Variants in SAMD4B observed in about 807,000 individuals in gnomAD.
SAMD4B encodes sterile alpha motif domain containing 4B.
SAMD4B carries 5 observed loss-of-function variants against 74.5 expected under a neutral mutation model. That is an observed-to-expected ratio of 0.07 (90% CI 0.04 to 0.14). The LOEUF (loss-of-function observed/expected upper bound fraction) is 0.14. Among genes scored for constraint, SAMD4B ranks in the 10% least tolerant of loss-of-function variants. The probability of loss-of-function intolerance (pLI) is 1.00; values close to 1 mark genes in which losing one functional copy is unlikely to be tolerated. For synonymous variants in SAMD4B, 373 were observed against 374.9 expected (o/e 1.00, Z 0.06); for missense variants, 608 against 921.8 (o/e 0.66, Z 4.41).
intron 3 of SAMD4B, among the ~76,000 whole-genome samples, chr19:39,365,700 CAG>C (rs1398989251): frequency 2.0e-5 from 3 of 152,184 alleles, no homozygotes; most frequent in Non-Finnish European, 4.4e-5. Context: ...AGGATTAAAA[CAG>C]GGATGAAAAG....
At chr19:39,366,950 G>T (rs1179957880) in intron 3 of SAMD4B, among the ~76,000 whole-genome samples, 1 of 152,176 alleles carries the variant, frequency 6.6e-6, no homozygotes, top group East Asian at 1.9e-4. Context: ...GTGTGTATCT[G>T]AAAGGAGGGA....
intron 3 of SAMD4B, among the ~76,000 whole-genome samples, chr19:39,367,309 G>A (rs1600554852): frequency 6.6e-6 from 1 of 152,248 alleles, no homozygotes; most frequent in East Asian, 1.9e-4. Flanking sequence ...TGAGATATTT[G>A]TAAGTCATCA....
downstream of SAMD4B, chr19:39,386,924 GAATA>G (rs2078264536): frequency 1.5e-6 from 1 of 677,872 alleles, no homozygotes; most frequent in Non-Finnish European, 2.7e-6. The surrounding 1 kb of genome is among the most constrained non-coding windows in gnomAD (Gnocchi z 6.1). Flanking sequence ...GAGTAAATGG[GAATA>G]AATACAGATT....
rs2077731482 is a variant in SAMD4B, at chr19:39,378,389, A to G, written c.1445-115A>G. On this transcript the variant is annotated intron_variant, in intron 8 of 13. Transcript: ENST00000610417. This position sits in a 1 kb window ranked among gnomAD's most constrained non-coding sequence, Gnocchi z 4.4. The stretch of plus-strand genomic sequence containing the variant: ...TACCATGGCTAGCACTTAATAGTTG[A>G]TATTCATCCAGCCTGAGTCTCCTGT... The G allele has an allele frequency of 2.0e-5, 16 of 816,944 alleles. No homozygotes were observed. In the East Asian group the frequency reaches 4.1e-4, roughly 21 times the overall value. The allele number at this position is 816,944 out of a possible 1,614,324, so 50.6% of individuals were successfully genotyped here.
downstream of SAMD4B, chr19:39,385,862 T>C: frequency 1.4e-6 from 2 of 1,381,382 alleles, no homozygotes; most frequent in Non-Finnish European, 1.9e-6. Flanking sequence ...TAAAGAGAAG[T>C]TGACTTTATT....
chr19:39,348,744 G>A (rs2075844594), intron 1 of SAMD4B, among the ~76,000 whole-genome samples: 1 of 152,198 alleles, frequency 6.6e-6, no homozygotes, highest in African/African-American at 2.4e-5. Flanking sequence ...ACAGAATCAG[G>A]AAGGAAAGTT....
chr19:39,369,676 A>T lies in SAMD4B; in HGVS notation c.218A>T (p.Gln73Leu), dbSNP rs758435515. 1.2e-6 allele frequency: 2 copies of T among 1,614,064 alleles called. No individual in the cohort carries two copies. Among genetic ancestry groups the T allele is most frequent in the South Asian group, 2.2e-5 (2 of 91,068 alleles). The change falls in exon 4 of 14, where the codon CAG (glutamine) becomes CTG (leucine). Residue 73 changes from glutamine to leucine, a missense_variant. By Grantham distance (113) the Gln-to-Leu change is moderately radical. This residue lies in a region of SAMD4B where 74 missense variants were observed against 182.0 expected (regional missense o/e 0.41). Coordinates refer to ENST00000610417, the MANE Select transcript of SAMD4B (RefSeq NM_001384574.2). Reference sequence around the variant, plus strand: ...GTAGCCATCGTCAGCCAGTGGCAGCAGGAGTCCAAAGAGAAGGTGGTGTCC... The same window carrying T: ...GTAGCCATCGTCAGCCAGTGGCAGCTGGAGTCCAAAGAGAAGGTGGTGTCC... The part of the protein sequence containing the change: ...NSAAIVSQWQ[Q>L]ESKEKVVSLL...
At chr19:39,380,519 G>A (rs1568366342) in intron 10 of SAMD4B, 68 bp from the exon 11 acceptor site, 1 of 1,531,986 alleles carries the variant, frequency 6.5e-7, no homozygotes. Flanking sequence ...GTTGGGGAAG[G>A]TGAGGAAGGG....
downstream of SAMD4B, chr19:39,386,322 T>C: frequency 6.2e-7 from 1 of 1,614,026 alleles, no homozygotes; most frequent in South Asian, 1.1e-5. The surrounding 1 kb of genome is among the most constrained non-coding windows in gnomAD (Gnocchi z 6.1). Context: ...CCTGTCACCT[T>C]CCTCCCGTTC....
intron 1 of SAMD4B, among the ~76,000 whole-genome samples, chr19:39,353,322 G>T (rs1305544127): frequency 6.6e-6 from 1 of 152,136 alleles, no homozygotes; most frequent in Non-Finnish European, 1.5e-5. Flanking sequence ...AAAGTAATAT[G>T]TATTCACTTG....
intron 4 of SAMD4B, among the ~76,000 whole-genome samples, chr19:39,372,686 G>C (rs757878560): frequency 6.6e-6 from 1 of 152,074 alleles, no homozygotes; most frequent in Non-Finnish European, 1.5e-5. Context: ...AGCCAAGCAG[G>C]GCTCCTCAGG....
chr19:39,384,091 CCTCT>C lies in SAMD4B; in HGVS notation c.*570_*573del, dbSNP rs945905723. 232 of 298,790 alleles carry C rather than the reference CCTCT, an allele frequency of 7.8e-4. No individual in the cohort carries two copies. The highest frequency in any genetic ancestry group is 4.6e-3 in the African/African-American group (215 of 46,708). The allele number at this position is 298,790 out of a possible 1,614,324, so 18.5% of individuals were successfully genotyped here. A position where few individuals can be genotyped will look rare whatever the true frequency, so the allele number is the denominator to read the frequency against. On this transcript the variant is annotated 3_prime_UTR_variant, in exon 14 of 14. Coordinates refer to ENST00000610417, the MANE Select transcript of SAMD4B (RefSeq NM_001384574.2). ...ATTCTGCAAGGACAGGAGCCACCTT[CCTCT>C]CTCTCACCTCCCCTGGCCCTGTTCA... is the stretch of plus-strand genomic sequence containing the variant.
rs555670719 is a variant in SAMD4B, at chr19:39,361,976, C to T, written c.196+4887C>T. On this transcript the variant is annotated intron_variant, in intron 3 of 13. Transcript: ENST00000610417. ...TCCAAGCCCTTCTTTAGCTTGGTCC[C>T]TTCAAACCTGGAGAGCTGAACAGTG... Among the ~76,000 whole-genome samples the T allele has an allele frequency of 5.3e-5, 8 of 152,292 alleles. No individual in the cohort carries two copies. In the South Asian group the frequency reaches 1.7e-3, roughly 32 times the overall value.
chr19:39,369,398 G>A, intron 3 of SAMD4B: 2 of 494,674 alleles, frequency 4.0e-6, no homozygotes, highest in Admixed American at 3.6e-5. Flanking sequence ...GATTGCACTT[G>A]TGAATAGCCA....
At chr19:39,355,908 G>GT (rs1442075288) in intron 2 of SAMD4B, among the ~76,000 whole-genome samples, 1 of 152,174 alleles carries the variant, frequency 6.6e-6, no homozygotes, top group Non-Finnish European at 1.5e-5. Flanking sequence ...TAGGTTTGGA[G>GT]TCTTCAGGGG....
downstream of SAMD4B, chr19:39,389,514 C>G (rs1283502065): frequency 2.5e-6 from 4 of 1,614,070 alleles, no homozygotes; most frequent in African/African-American, 1.3e-5. This position sits in a 1 kb window ranked among gnomAD's most constrained non-coding sequence, Gnocchi z 5.3. Context: ...ATCTCCTCTT[C>G]CAAAAGTTTC....
chr19:39,377,913 G>C, intron 8 of SAMD4B, 89 bp downstream of exon 8: 1 of 1,271,700 alleles, frequency 7.9e-7, no homozygotes, highest in Non-Finnish European at 1.1e-6. Context: ...TTCGATGGTG[G>C]GAGCAGGGCT....
chr19:39,377,984 C>G (rs1383920722), intron 8 of SAMD4B, among the ~76,000 whole-genome samples, 160 bp downstream of exon 8: 2 of 152,206 alleles, frequency 1.3e-5, no homozygotes, highest in Non-Finnish European at 1.5e-5. Context: ...GTGACAAGGC[C>G]CCTTGCCCTT....
chr19:39,388,191 C>G (rs1204709869), downstream of SAMD4B: 950 of 757,968 alleles, frequency 1.3e-3, 16 homozygotes, highest in South Asian at 0.016. Flanking sequence ...AAGTCCAGCT[C>G]ATGTGCATGA....
Sources: allele counts gnomAD v4.1 joint callset (sites outside exome capture counted in the v4.1 genomes callset), GRCh38; gene constraint gnomAD v4.1.1; regional missense constraint gnomAD v4.1.1; non-coding constraint Gnocchi (gnomAD v3.1); transcripts MANE v1.5; gene names NCBI Gene and HGNC (gene_info 2026-07-23, HGNC 2026-07-21).